PLXDC2: variants seen among roughly 807,000 people sequenced by gnomAD.
The protein encoded by PLXDC2 is plexin domain-containing protein 2.
PLXDC2 carries 40 observed loss-of-function variants against 68.9 expected under a neutral mutation model. That is an observed-to-expected ratio of 0.58 (90% CI 0.45 to 0.76). The LOEUF (loss-of-function observed/expected upper bound fraction) is 0.76. Among genes scored for constraint, PLXDC2 ranks in the 30% least tolerant of loss-of-function variants. The probability of loss-of-function intolerance (pLI) is 0.00; values close to 1 mark genes in which losing one functional copy is unlikely to be tolerated. For missense variants in PLXDC2, 644 were observed against 661.9 expected (o/e 0.97, Z 0.30); for synonymous variants, 243 against 234.2 (o/e 1.04, Z -0.34).
In PLXDC2 at chr10:20,267,569, T is replaced by G. The variant is rs181075526; in HGVS notation, c.1474-12134T>G. On this transcript the variant is annotated intron_variant, in intron 13 of 13. Transcript: ENST00000377252. ...CTCTCCCAAGCAGCCTTCAACTTTGTTAAAAGTGCTATTTTAAACACCAGT... is the reference window on the plus strand; with the variant it reads ...CTCTCCCAAGCAGCCTTCAACTTTGGTAAAAGTGCTATTTTAAACACCAGT... 5.0e-3 allele frequency among the ~76,000 whole-genome samples: 763 copies of G among 152,236 alleles called. 6 individuals carry two copies. Among genetic ancestry groups the G allele is most frequent in the Non-Finnish European group, 7.4e-3 (504 of 67,992 alleles).
intron 1 of PLXDC2, among the ~76,000 whole-genome samples, chr10:19,987,468 A>C (rs1210439210): frequency 6.6e-6 from 1 of 152,182 alleles, no homozygotes; most frequent in African/African-American, 2.4e-5. Context: ...ATCTGGATGT[A>C]AATGGATTGA....
rs1190184328 is a variant in PLXDC2, at chr10:20,285,262, T to G, written c.*5443T>G. Reference sequence around the variant, plus strand: ...AAGCATTTTACATTTTACAGAGCACTTTGATTCATCTCCCTATTTGTTCAT... The same window carrying G: ...AAGCATTTTACATTTTACAGAGCACGTTGATTCATCTCCCTATTTGTTCAT... On this transcript the variant is annotated 3_prime_UTR_variant, in exon 14 of 14. Transcript: ENST00000377252. 6.6e-6 allele frequency: 1 copy of G among 152,234 alleles called. No homozygotes were observed. Among genetic ancestry groups the G allele is most frequent in the East Asian group, 1.9e-4 (1 of 5,198 alleles). The allele number at this position is 152,234 out of a possible 1,614,324, so 9.4% of individuals were successfully genotyped here.
intron 12 of PLXDC2, among the ~76,000 whole-genome samples, 185 bp downstream of exon 12, chr10:20,219,287 T>C (rs1835180304): frequency 6.6e-6 from 1 of 152,162 alleles, no homozygotes; most frequent in Non-Finnish European, 1.5e-5. Flanking sequence ...TCCTCACCCT[T>C]GTGTTTGTGT....
At chr10:20,194,776 T>TCCCTCCC (rs1834815333) in intron 9 of PLXDC2, among the ~76,000 whole-genome samples, 1 of 118,228 alleles carries the variant, frequency 8.5e-6, no homozygotes, top group South Asian at 3.3e-4. Context: ...CCTAATGCTA[T>TCCCTCCC]CCCTCCCCCC....
intron 4 of PLXDC2, among the ~76,000 whole-genome samples, chr10:20,105,048 C>CAAA (rs11289832): frequency 1.3e-3 from 129 of 97,218 alleles, no homozygotes; most frequent in Non-Finnish European, 1.7e-3. Context: ...AGACTCCATC[C>CAAA]AAAAAAAAAA....
intron 6 of PLXDC2, among the ~76,000 whole-genome samples, chr10:20,157,803 A>G (rs1296017776): frequency 1.3e-5 from 2 of 152,190 alleles, no homozygotes; most frequent in Admixed American, 6.5e-5. Context: ...ACCTATCTCT[A>G]TCTTGTTATA....
At chr10:19,901,031 A>G (rs1263855136) in intron 1 of PLXDC2, among the ~76,000 whole-genome samples, 1 of 151,576 alleles carries the variant, frequency 6.6e-6, no homozygotes, top group Non-Finnish European at 1.5e-5. Context: ...ATACATATAT[A>G]TATACACATA....
chr10:20,066,944 AC>A (rs1836221471), intron 3 of PLXDC2, among the ~76,000 whole-genome samples: 1 of 152,238 alleles, frequency 6.6e-6, no homozygotes, highest in East Asian at 1.9e-4. Flanking sequence ...CCAGCTAATT[AC>A]TTTCCTTCTG....
chr10:20,190,502 C>T (rs983240305), intron 9 of PLXDC2, among the ~76,000 whole-genome samples: 16 of 151,622 alleles, frequency 1.1e-4, no homozygotes, highest in Non-Finnish European at 1.5e-4. Flanking sequence ...ATGTAAATGA[C>T]GAGTTAATGG....
intron 1 of PLXDC2, 121 bp downstream of exon 1, chr10:19,817,312 G>C: frequency 1.2e-6 from 1 of 813,780 alleles, no homozygotes; most frequent in South Asian, 1.7e-5. Context: ...ACTTATTGCA[G>C]TTGCTTTTCG....
chr10:19,857,236 C>T (rs1173043918), intron 1 of PLXDC2, among the ~76,000 whole-genome samples: 3 of 152,142 alleles, frequency 2.0e-5, no homozygotes, highest in African/African-American at 7.2e-5. Context: ...TTTCAGCTTC[C>T]CACAATATAA....
chr10:20,072,543 G>GAAAGAAAGAAAGAAAGAAAGA (rs1403678017), intron 4 of PLXDC2, among the ~76,000 whole-genome samples: 1 of 58,964 alleles, frequency 1.7e-5, no homozygotes, highest in African/African-American at 1.5e-4. Context: ...AAGAAAGAAA[G>GAAAGAAAGAAAGAAAGAAAGA]AAAGAAAGAA....
chr10:20,053,811 A>G (rs1218607968), intron 3 of PLXDC2, among the ~76,000 whole-genome samples: 1 of 152,034 alleles, frequency 6.6e-6, no homozygotes, highest in African/African-American at 2.4e-5. Context: ...GCCTCTTTGC[A>G]CCTCAATTTT....
At chr10:20,051,770 T>C (rs959810857) in intron 3 of PLXDC2, among the ~76,000 whole-genome samples, 2 of 151,954 alleles carry the variant, frequency 1.3e-5, no homozygotes, top group Non-Finnish European at 2.9e-5. Context: ...TCCAAGGTGA[T>C]GCTCATGCCA....
chr10:19,856,514 T>A (rs1350089466), intron 1 of PLXDC2, among the ~76,000 whole-genome samples: 1 of 152,104 alleles, frequency 6.6e-6, no homozygotes, highest in African/African-American at 2.4e-5. Flanking sequence ...AGATGGGCAT[T>A]GAGAACTTTC....
At chr10:20,220,764 C>T (rs1334571977) in intron 12 of PLXDC2, among the ~76,000 whole-genome samples, 2 of 151,364 alleles carry the variant, frequency 1.3e-5, no homozygotes, top group African/African-American at 2.4e-5. Flanking sequence ...TTTGAGAGAA[C>T]ATGCATCCTG....
rs989745917 is a variant in PLXDC2, at chr10:20,288,003, C to A, written c.*8184C>A. On this transcript the variant is annotated 3_prime_UTR_variant, in exon 14 of 14. Coordinates refer to ENST00000377252, the MANE Select transcript of PLXDC2 (RefSeq NM_032812.9). ...GCGGGGGAGGGGGGGGGGGCGGTGG[C>A]TTTCCAGATTTTATGCCAGTTGCAC... 1.3e-4 allele frequency: 17 copies of A among 133,854 alleles called. No individual in the cohort carries two copies. Among genetic ancestry groups the A allele is most frequent in the African/African-American group, 4.4e-4 (15 of 34,130 alleles). 8.3% of individuals were successfully genotyped at this position (133,854 alleles called of 1,614,324 possible).
chr10:19,825,625 T>C (rs1391427992), intron 1 of PLXDC2, among the ~76,000 whole-genome samples: 1 of 152,162 alleles, frequency 6.6e-6, no homozygotes, highest in Non-Finnish European at 1.5e-5. Flanking sequence ...TATATGAACA[T>C]CCAATAAAAT....
At chr10:20,076,258 A>G (rs1283357877) in intron 4 of PLXDC2, among the ~76,000 whole-genome samples, 2 of 152,200 alleles carry the variant, frequency 1.3e-5, no homozygotes, top group Non-Finnish European at 2.9e-5. Flanking sequence ...CTCAATTCCT[A>G]CTTAAGCCAG....
Sources: gnomAD v4.1 joint callset for allele counts (sites outside exome capture counted in the v4.1 genomes callset) on GRCh38, gnomAD v4.1.1 for gene constraint, MANE v1.5 for transcripts, NCBI Gene and HGNC (gene_info 2026-07-23, HGNC 2026-07-21) for gene names.